The following SNTB1 variants were observed in gnomAD, a reference collection of about 807,000 sequenced individuals.
SNTB1 encodes beta-1-syntrophin.
Under a neutral mutation model 48.9 loss-of-function variants are expected in SNTB1, and 36 were observed. The ratio of observed to expected loss-of-function variants is 0.74; its 90% confidence interval spans 0.56 to 0.97. The LOEUF (loss-of-function observed/expected upper bound fraction) is 0.97, where lower values mean the gene tolerates loss of function less well. SNTB1 is among the 50% of genes least tolerant of loss of function. The pLI, the probability that SNTB1 is intolerant of heterozygous loss-of-function variation, is 0.00. For synonymous variants in SNTB1, 299 were observed against 294.6 expected (o/e 1.01, Z -0.15); for missense variants, 786 against 703.4 (o/e 1.12, Z -1.33).
At chr8:120,703,808 A>G (rs1483887939) in intron 1 of SNTB1, among the ~76,000 whole-genome samples, 2 of 152,238 alleles carry the variant, frequency 1.3e-5, no homozygotes, top group Non-Finnish European at 2.9e-5. Context: ...GCTTTAAAAC[A>G]ATAACAACAA....
chr8:120,705,387 T>G (rs943713494), intron 1 of SNTB1, among the ~76,000 whole-genome samples: 1 of 152,236 alleles, frequency 6.6e-6, no homozygotes, highest in African/African-American at 2.4e-5. Context: ...TATTAGAAGT[T>G]ATTCAACCTA....
At chr8:120,786,933 G>C (rs1819932288) in intron 1 of SNTB1, among the ~76,000 whole-genome samples, 1 of 152,164 alleles carries the variant, frequency 6.6e-6, no homozygotes, top group Non-Finnish European at 1.5e-5. Context: ...ACCCAATGAA[G>C]AAAGTACTAG....
chr8:120,593,870 G>A (rs1375027326), intron 3 of SNTB1, among the ~76,000 whole-genome samples: 1 of 152,078 alleles, frequency 6.6e-6, no homozygotes, highest in Non-Finnish European at 1.5e-5. Context: ...TCTGGAAGAG[G>A]GGACATACCA....
At chr8:120,606,932 C>T (rs1816532537) in intron 3 of SNTB1, among the ~76,000 whole-genome samples, 2 of 152,054 alleles carry the variant, frequency 1.3e-5, no homozygotes, top group South Asian at 4.1e-4. Flanking sequence ...TAAGAAACAT[C>T]AATCCAGCAA....
At chr8:120,683,278 C>T (rs1186795112) in intron 2 of SNTB1, among the ~76,000 whole-genome samples, 1 of 152,086 alleles carries the variant, frequency 6.6e-6, no homozygotes, top group African/African-American at 2.4e-5. Context: ...ATATACACAG[C>T]CGATTACAAG....
chr8:120,801,769 C>G (rs71514722), intron 1 of SNTB1, among the ~76,000 whole-genome samples: 1 of 152,044 alleles, frequency 6.6e-6, no homozygotes, highest in Non-Finnish European at 1.5e-5. Context: ...CTGCTCCTAT[C>G]GTTTGTCCGG....
chr8:120,631,984 C>T (rs1816989246), intron 3 of SNTB1, among the ~76,000 whole-genome samples: 1 of 152,132 alleles, frequency 6.6e-6, no homozygotes, highest in African/African-American at 2.4e-5. Context: ...ATAGTAATTG[C>T]TCAAGTAATT....
intron 1 of SNTB1, among the ~76,000 whole-genome samples, chr8:120,795,953 T>C (rs1345870467): frequency 6.6e-6 from 1 of 152,040 alleles, no homozygotes; most frequent in African/African-American, 2.4e-5. Context: ...CCCACCCTAA[T>C]GACCTCACTT....
intron 2 of SNTB1, chr8:120,637,755 G>A: frequency 2.5e-6 from 1 of 402,718 alleles, no homozygotes; most frequent in Non-Finnish European, 4.9e-6. Flanking sequence ...CATAAGATAA[G>A]ACATTCTGTA....
chr8:120,583,362 C>T (rs1195105138), intron 3 of SNTB1, among the ~76,000 whole-genome samples: 1 of 151,908 alleles, frequency 6.6e-6, no homozygotes, highest in Non-Finnish European at 1.5e-5. Context: ...AAAAATTAGC[C>T]AGGCGTGGTG....
At chr8:120,775,381 T>G (rs767718983) in intron 1 of SNTB1, 10 of 152,182 alleles carry the variant, frequency 6.6e-5, no homozygotes, top group Non-Finnish European at 1.5e-4. Flanking sequence ...TGCGGTGAAG[T>G]CCTGCTCTGG....
At chr8:120,651,723 A>G (rs1199480153) in intron 2 of SNTB1, among the ~76,000 whole-genome samples, 2 of 152,144 alleles carry the variant, frequency 1.3e-5, no homozygotes, top group Non-Finnish European at 2.9e-5. Flanking sequence ...AGAAGAGGGT[A>G]GGGAGAAGGA....
chr8:120,711,895 C>G (rs1818469267), intron 1 of SNTB1, among the ~76,000 whole-genome samples: 1 of 151,706 alleles, frequency 6.6e-6, no homozygotes, highest in Non-Finnish European at 1.5e-5. Context: ...TTTTTAAATC[C>G]TTAGTAATAT....
chr8:120,656,089 C>T (rs1007766207), intron 2 of SNTB1, among the ~76,000 whole-genome samples: 1 of 152,104 alleles, frequency 6.6e-6, no homozygotes, highest in Non-Finnish European at 1.5e-5. Flanking sequence ...ACCATAATAT[C>T]CTTAACTAGA....
intron 3 of SNTB1, among the ~76,000 whole-genome samples, chr8:120,621,036 T>G (rs921717487): frequency 6.6e-6 from 1 of 151,996 alleles, no homozygotes; most frequent in Non-Finnish European, 1.5e-5. Context: ...CTCTGCTCAC[T>G]GCAACCTCCA....
chr8:120,581,222 G>C (rs2130695065), intron 3 of SNTB1, among the ~76,000 whole-genome samples: 1 of 152,290 alleles, frequency 6.6e-6, no homozygotes, highest in Non-Finnish European at 1.5e-5. Context: ...AGTGCTCTAT[G>C]GGAGCCTCAG....
chr8:120,578,898 C>T (rs9969409), intron 3 of SNTB1, among the ~76,000 whole-genome samples: 4 of 152,098 alleles, frequency 2.6e-5, no homozygotes, highest in African/African-American at 7.2e-5. Flanking sequence ...AAGAATTGGA[C>T]GGGCGAGGTA....
intron 2 of SNTB1, among the ~76,000 whole-genome samples, chr8:120,682,003 G>T (rs1817939389): frequency 6.7e-6 from 1 of 150,262 alleles, no homozygotes; most frequent in South Asian, 2.1e-4. Context: ...ATCCAAAAAA[G>T]AACAAAATTC....
intron 1 of SNTB1, among the ~76,000 whole-genome samples, chr8:120,695,547 T>C (rs1305659947): frequency 2.0e-5 from 3 of 152,070 alleles, no homozygotes; most frequent in Non-Finnish European, 2.9e-5. Flanking sequence ...AGATAGGACA[T>C]AAGACAAAGT....
Sources: gnomAD v4.1 joint callset for allele counts (sites outside exome capture counted in the v4.1 genomes callset) on GRCh38, gnomAD v4.1.1 for gene constraint, MANE v1.5 for transcripts, NCBI Gene and HGNC (gene_info 2026-07-23, HGNC 2026-07-21) for gene names.